RELN: variants seen among roughly 807,000 people sequenced by gnomAD.
The protein encoded by RELN is reelin.
Under a neutral mutation model 427.6 loss-of-function variants are expected in RELN, and 108 were observed. That is an observed-to-expected ratio of 0.25 (90% confidence interval 0.22 to 0.30). The LOEUF (loss-of-function observed/expected upper bound fraction) is 0.30. Ranked by LOEUF, RELN falls within the 10% of genes least tolerant of loss-of-function variation. RELN has a pLI of 1.00. For synonymous variants in RELN, 1,524 were observed against 1,513.4 expected (o/e 1.01, Z -0.16); for missense variants, 3,715 against 4,302.8 (o/e 0.86, Z 3.82).
At chr7:103,780,629 C>A (rs1399970347) in intron 3 of RELN, among the ~76,000 whole-genome samples, 1 of 152,194 alleles carries the variant, frequency 6.6e-6, no homozygotes, top group African/African-American at 2.4e-5. Context: ...TTAGCTCCCA[C>A]TTATCAGTGA....
chr7:103,544,533 A>C (rs963087910), intron 42 of RELN, among the ~76,000 whole-genome samples: 1 of 152,188 alleles, frequency 6.6e-6, no homozygotes, highest in Non-Finnish European at 1.5e-5. Context: ...CCGAAAGAAA[A>C]TCTTTTAATC....
chr7:103,504,170 C>A (rs1007424168), intron 51 of RELN, among the ~76,000 whole-genome samples: 2 of 152,160 alleles, frequency 1.3e-5, no homozygotes, highest in Admixed American at 1.3e-4. Context: ...CGCCACTGCA[C>A]TCTAGCCTGG....
rs55899563 is a variant in RELN, at chr7:103,926,099, C to CTTTTTTTTTTTTTTT, written c.227-8929_227-8915dup. Among the ~76,000 whole-genome samples, 5 of 90,074 alleles carry CTTTTTTTTTTTTTTT rather than the reference C, an allele frequency of 5.6e-5. 1 individual carries two copies. The highest frequency in any genetic ancestry group is 6.1e-5 in the Non-Finnish European group (3 of 48,824). 59.1% of individuals were successfully genotyped at this position (90,074 alleles called of 152,430 possible). On this transcript the variant is annotated intron_variant, in intron 1 of 64. Coordinates refer to ENST00000428762, the MANE Select transcript of RELN (RefSeq NM_005045.4). ...CATAAATATATGACCCCCACCCCGC[C>CTTTTTTTTTTTTTTT]TTTTTTTTTTTTTTTTTTTTGAGAT... is the stretch of plus-strand genomic sequence containing the variant.
At chr7:103,488,348 T>C (rs1828519586) in intron 60 of RELN, among the ~76,000 whole-genome samples, 1 of 152,166 alleles carries the variant, frequency 6.6e-6, no homozygotes, top group Non-Finnish European at 1.5e-5. Context: ...CAAATTAAGG[T>C]TCAGGAGAGA....
chr7:103,576,433 C>T (rs139069258), intron 28 of RELN, among the ~76,000 whole-genome samples: 111 of 152,270 alleles, frequency 7.3e-4, no homozygotes, highest in African/African-American at 2.4e-3. Flanking sequence ...AGCCACCATG[C>T]GCAGATTGAT....
chr7:103,705,120 A>G (rs1450108972), intron 8 of RELN, among the ~76,000 whole-genome samples: 1 of 152,080 alleles, frequency 6.6e-6, no homozygotes, highest in Non-Finnish European at 1.5e-5. Flanking sequence ...TTTTTAATTT[A>G]TAATAATTGC....
intron 8 of RELN, among the ~76,000 whole-genome samples, chr7:103,711,196 T>C (rs1789789707): frequency 1.3e-5 from 2 of 152,342 alleles, no homozygotes; most frequent in African/African-American, 2.4e-5. Context: ...TTTTGAACAA[T>C]TTGTAATTTG....
intron 46 of RELN, among the ~76,000 whole-genome samples, chr7:103,529,424 C>T (rs760894197): frequency 3.3e-5 from 5 of 150,984 alleles, no homozygotes; most frequent in African/African-American, 7.3e-5. Context: ...CACACTTGAG[C>T]CTTTCAGTGG....
chr7:103,497,051 T>C (rs77218852), intron 55 of RELN, among the ~76,000 whole-genome samples: 250 of 152,376 alleles, frequency 1.6e-3, no homozygotes, highest in African/African-American at 5.8e-3. Context: ...TAAATTCTTA[T>C]TTCTCACAAA....
At chr7:103,906,787 G>A (rs1428817482) in intron 2 of RELN, among the ~76,000 whole-genome samples, 1 of 152,160 alleles carries the variant, frequency 6.6e-6, no homozygotes, top group East Asian at 1.9e-4. Flanking sequence ...CTCCTGAGTG[G>A]CAGAAAAGGA....
At chr7:103,948,768 T>A (rs1002269342) in intron 1 of RELN, among the ~76,000 whole-genome samples, 1 of 151,972 alleles carries the variant, frequency 6.6e-6, no homozygotes, top group Admixed American at 6.6e-5. Flanking sequence ...AATCCTGGCA[T>A]TTTGGGAGGC....
At chr7:103,739,675 T>C (rs967454614) in intron 6 of RELN, among the ~76,000 whole-genome samples, 1 of 152,214 alleles carries the variant, frequency 6.6e-6, no homozygotes, top group Admixed American at 6.5e-5. Flanking sequence ...CTCTCTTCAC[T>C]TCAAACTTCA....
chr7:103,550,542 G>C (rs1360753762), intron 41 of RELN, among the ~76,000 whole-genome samples: 1 of 151,076 alleles, frequency 6.6e-6, no homozygotes, highest in Non-Finnish European at 1.5e-5. Flanking sequence ...TTCAGCAGAA[G>C]AGTCAAATAA....
chr7:103,930,393 G>A (rs1795835134), intron 1 of RELN, among the ~76,000 whole-genome samples: 1 of 151,356 alleles, frequency 6.6e-6, no homozygotes, highest in Admixed American at 6.6e-5. Flanking sequence ...CCAGGGATTA[G>A]GACTTCAATA....
intron 11 of RELN, among the ~76,000 whole-genome samples, chr7:103,675,697 C>T (rs772320490): frequency 4.1e-4 from 62 of 151,966 alleles, no homozygotes; most frequent in Non-Finnish European, 6.2e-4. Flanking sequence ...GAGATATAGA[C>T]CAATGGAACA....
chr7:103,787,827 C>T (rs1442011046), intron 3 of RELN, among the ~76,000 whole-genome samples: 1 of 152,192 alleles, frequency 6.6e-6, no homozygotes, highest in African/African-American at 2.4e-5. Context: ...CTCCCTAACT[C>T]TTTTTATGAG....
intron 11 of RELN, among the ~76,000 whole-genome samples, chr7:103,679,648 T>C (rs1833611836): frequency 6.6e-6 from 1 of 152,158 alleles, no homozygotes; most frequent in African/African-American, 2.4e-5. Flanking sequence ...TTCCTCTGTG[T>C]CCATATTGAC....
intron 2 of RELN, among the ~76,000 whole-genome samples, chr7:103,868,581 A>G (rs1339502715): frequency 6.6e-6 from 1 of 152,020 alleles, no homozygotes; most frequent in Non-Finnish European, 1.5e-5. Context: ...ATCACCCTCC[A>G]TAATCAGACA....
At chr7:103,696,656 T>G (rs1345170028) in intron 10 of RELN, among the ~76,000 whole-genome samples, 3 of 152,134 alleles carry the variant, frequency 2.0e-5, no homozygotes, top group Non-Finnish European at 4.4e-5. Context: ...CATTTTTCCA[T>G]CCTCTCACTC....
Sources: allele counts gnomAD v4.1 joint callset (sites outside exome capture counted in the v4.1 genomes callset), GRCh38; gene constraint gnomAD v4.1.1; transcripts MANE v1.5; gene names NCBI Gene and HGNC (gene_info 2026-07-23, HGNC 2026-07-21).